Variants in SYN3 observed in about 807,000 individuals in gnomAD.
SYN3 encodes the protein synapsin-3.
SYN3 carries 35 observed loss-of-function variants against 65.8 expected under a neutral mutation model. That is an observed-to-expected ratio of 0.53 (90% confidence interval 0.41 to 0.70). The LOEUF is 0.70. Ranked by LOEUF, SYN3 falls within the 30% of genes least tolerant of loss-of-function variation. SYN3 has a pLI of 0.00. For missense variants in SYN3, 680 were observed against 749.0 expected (o/e 0.91, Z 1.08); for synonymous variants, 270 against 292.9 (o/e 0.92, Z 0.80).
At chr22:32,554,930 T>G (rs1399734691) in intron 7 of SYN3, among the ~76,000 whole-genome samples, 1 of 152,248 alleles carries the variant, frequency 6.6e-6, no homozygotes, top group Non-Finnish European at 1.5e-5. Context: ...ATAACTTGAA[T>G]ACTGGATTGC....
At chr22:32,539,129 G>T (rs1453660771) in intron 8 of SYN3, among the ~76,000 whole-genome samples, 1 of 152,170 alleles carries the variant, frequency 6.6e-6, no homozygotes, top group African/African-American at 2.4e-5. Context: ...TGAGATCAAA[G>T]GGTGAACTGG....
chr22:32,672,372 G>A (rs1323981124), intron 6 of SYN3, among the ~76,000 whole-genome samples: 1 of 152,204 alleles, frequency 6.6e-6, no homozygotes, highest in Non-Finnish European at 1.5e-5. Flanking sequence ...AAATTAAGAT[G>A]CATGGTATGT....
intron 6 of SYN3, among the ~76,000 whole-genome samples, chr22:32,639,471 C>G (rs548140322): frequency 8.9e-4 from 136 of 152,222 alleles, no homozygotes; most frequent in Non-Finnish European, 1.6e-3. Flanking sequence ...TGTTTTGTAC[C>G]AGTACCATAC....
intron 3 of SYN3, among the ~76,000 whole-genome samples, chr22:32,974,046 C>T (rs2146950401): frequency 6.6e-6 from 1 of 152,332 alleles, no homozygotes. Flanking sequence ...GCCTCAGCCT[C>T]CCAAAGTGCT....
intron 6 of SYN3, among the ~76,000 whole-genome samples, chr22:32,770,570 C>A (rs914224747): frequency 1.3e-5 from 2 of 152,204 alleles, no homozygotes; most frequent in African/African-American, 4.8e-5. Flanking sequence ...AAAACCTCTT[C>A]TCCCAGAAAC....
At chr22:32,780,934 T>TTTCC (rs71187216) in intron 6 of SYN3, among the ~76,000 whole-genome samples, 4,923 of 82,472 alleles carry the variant, frequency 0.06, 172 homozygotes, top group African/African-American at 0.095. Flanking sequence ...CCTTCCTTCC[T>TTTCC]TTCCTTCCTT....
chr22:32,569,541 C>A (rs539799448), intron 7 of SYN3, among the ~76,000 whole-genome samples: 946 of 45,258 alleles, frequency 0.021, 15 homozygotes, highest in African/African-American at 0.14. Flanking sequence ...CAATCAATCT[C>A]TCTCTCTCTC....
chr22:32,866,657 G>A (rs1364719789), intron 5 of SYN3, among the ~76,000 whole-genome samples: 5 of 152,084 alleles, frequency 3.3e-5, no homozygotes, highest in East Asian at 1.9e-4. Context: ...TGCTACTATC[G>A]TGATAACTGT....
At chr22:32,640,859 T>C (rs1202651655) in intron 6 of SYN3, among the ~76,000 whole-genome samples, 1 of 151,896 alleles carries the variant, frequency 6.6e-6, no homozygotes, top group African/African-American at 2.4e-5. Flanking sequence ...AGAGCAAGAC[T>C]CTGTCTCGGA....
intron 3 of SYN3, among the ~76,000 whole-genome samples, chr22:32,978,367 G>A (rs1175313853): frequency 6.6e-6 from 1 of 152,060 alleles, no homozygotes; most frequent in African/African-American, 2.4e-5. Context: ...AAGGTAGATG[G>A]CCACACTCTT....
At chr22:32,687,127 A>C (rs1209512220) in intron 6 of SYN3, among the ~76,000 whole-genome samples, 3 of 151,896 alleles carry the variant, frequency 2.0e-5, no homozygotes, top group Non-Finnish European at 2.9e-5. Flanking sequence ...ATCAAACATG[A>C]ATACCCAGTA....
At chr22:33,007,076 T>C (rs912670173) in intron 1 of SYN3, among the ~76,000 whole-genome samples, 1 of 152,224 alleles carries the variant, frequency 6.6e-6, no homozygotes, top group Non-Finnish European at 1.5e-5. Context: ...CACAGGTTAT[T>C]TACACTAGCG....
At chr22:32,568,856 T>C (rs148803832) in intron 7 of SYN3, among the ~76,000 whole-genome samples, 2 of 152,290 alleles carry the variant, frequency 1.3e-5, no homozygotes, top group Admixed American at 6.5e-5. Flanking sequence ...GAGAGTGTCC[T>C]AGGGGATGTA....
intron 6 of SYN3, among the ~76,000 whole-genome samples, chr22:32,832,521 T>C (rs997364053): frequency 1.1e-4 from 17 of 151,026 alleles, no homozygotes; most frequent in Middle Eastern, 3.2e-3. Context: ...TATTCAATAC[T>C]TTCTACGTAA....
chr22:33,010,603 C>T (rs1014936035), intron 1 of SYN3, among the ~76,000 whole-genome samples: 1 of 152,120 alleles, frequency 6.6e-6, no homozygotes, highest in African/African-American at 2.4e-5. Flanking sequence ...AAAGTGAGTC[C>T]TCCAACTTAA....
intron 7 of SYN3, among the ~76,000 whole-genome samples, chr22:32,569,561 C>G (rs1247193452): frequency 5.8e-5 from 3 of 51,736 alleles, no homozygotes; most frequent in African/African-American, 1.7e-4. Flanking sequence ...CTCTCTCTCT[C>G]TCTCTCTCTC....
At chr22:33,038,234 C>T (rs573537134) in intron 1 of SYN3, among the ~76,000 whole-genome samples, 4 of 152,306 alleles carry the variant, frequency 2.6e-5, no homozygotes, top group Admixed American at 6.5e-5. Context: ...GTTGATGGCA[C>T]GCCATAGGCA....
chr22:32,842,957 A>T (rs750422650), intron 6 of SYN3, among the ~76,000 whole-genome samples: 2 of 152,208 alleles, frequency 1.3e-5, no homozygotes, highest in Non-Finnish European at 2.9e-5. Flanking sequence ...TTTAGGTATC[A>T]ATCTTCTTCT....
rs1390362334 is a variant in SYN3 at position 32,900,581 on chromosome 22, A to G, written c.461+30809T>C. Among the ~76,000 whole-genome samples the G allele has an allele frequency of 2.0e-5, 3 of 152,222 alleles. 1 individual carries two copies. The highest frequency in any genetic ancestry group is 2.9e-5 in the Non-Finnish European group (2 of 68,038). ...TTTTTGACCAACTAGCCTTTTGCAT[A>G]GACTTTGATAGTTTTACTGTTCTAA... On this transcript the variant is annotated intron_variant, in intron 4 of 13. Transcript: ENST00000358763.
Sources: gnomAD v4.1 joint callset for allele counts (sites outside exome capture counted in the v4.1 genomes callset) on GRCh38, gnomAD v4.1.1 for gene constraint, MANE v1.5 for transcripts, NCBI Gene and HGNC (gene_info 2026-07-23, HGNC 2026-07-21) for gene names.